The following SMARCA4 variants were observed in gnomAD, a reference collection of about 807,000 sequenced individuals.
SMARCA4 encodes the protein SWI/SNF related BAF chromatin remodeling complex subunit ATPase 4, also known as SWI/SNF-related matrix-associated actin-dependent regulator of chromatin subfamily A member 4.
SMARCA4 carries 31 observed loss-of-function variants against 193.9 expected under a neutral mutation model. The observed-to-expected ratio is 0.16, with a 90% CI of 0.12 to 0.22. SMARCA4 has a LOEUF of 0.22. SMARCA4 is among the 10% of genes least tolerant of loss of function. SMARCA4 has a pLI of 1.00. For missense variants in SMARCA4, 1,148 were observed against 2,296.0 expected, an observed-to-expected ratio of 0.50 and a Z score of 10.22; for synonymous variants, 942 against 933.1, an observed-to-expected ratio of 1.01 and a Z score of -0.17.
chr19:11,017,042 A>G (rs1393673358), intron 16 of SMARCA4, among the ~76,000 whole-genome samples: 4 of 151,896 alleles, frequency 2.6e-5, no homozygotes, highest in Non-Finnish European at 4.4e-5. Context: ...TAGGAGATTC[A>G]TGTGCGCGTG....
intron 16 of SMARCA4, among the ~76,000 whole-genome samples, chr19:11,015,315 C>T (rs566705605): frequency 6.6e-6 from 1 of 152,322 alleles, no homozygotes; most frequent in Admixed American, 6.5e-5. Context: ...TCCAGGATCC[C>T]ACACTGTCAC....
intron 1 of SMARCA4, among the ~76,000 whole-genome samples, chr19:10,980,394 C>T (rs984311494): frequency 2.6e-5 from 4 of 152,098 alleles, no homozygotes; most frequent in African/African-American, 9.7e-5. Flanking sequence ...ACAAAGTTAG[C>T]GCTGCTTTGA....
rs1414642513 is a variant in SMARCA4, at chr19:11,010,541, G to C, written c.2274+10G>C. 3 of 1,612,316 alleles carry C rather than the reference G, an allele frequency of 1.9e-6. No individual in the cohort carries two copies. Among genetic ancestry groups the C allele is most frequent in the East Asian group, 2.2e-5 (1 of 44,872 alleles). On this transcript the variant is annotated intron_variant, in intron 15 of 34. Coordinates refer to ENST00000344626, the MANE Select transcript of SMARCA4 (RefSeq NM_003072.5). Reference sequence around the variant, plus strand: ...CCTCAAACAGTACCAGGTGAGGTAGGGGGTGGGGAGGCCACCGCCACGTAG... The same window carrying C: ...CCTCAAACAGTACCAGGTGAGGTAGCGGGTGGGGAGGCCACCGCCACGTAG...
rs149763341 is a variant in SMARCA4 at position 11,003,328 on chromosome 19, C to A, written c.1944-12C>A. On this transcript the variant is annotated splice_polypyrimidine_tract_variant and intron_variant, in intron 12 of 34. Transcript: ENST00000344626. ...GAGCAGATTTGTATGAAAGCCCTTACATTTTTTCTAGGTATGAAGTAGCTC... is the reference window on the plus strand; with the variant it reads ...GAGCAGATTTGTATGAAAGCCCTTAAATTTTTTCTAGGTATGAAGTAGCTC... The A allele has an allele frequency of 3.0e-4, 488 of 1,613,196 alleles. 1 individual carries two copies. The highest frequency in any genetic ancestry group is 3.9e-4 in the Non-Finnish European group (459 of 1,179,128).
At chr19:10,978,434 A>G (rs980698067) in intron 1 of SMARCA4, among the ~76,000 whole-genome samples, 1 of 152,122 alleles carries the variant, frequency 6.6e-6, no homozygotes, top group South Asian at 2.1e-4. Context: ...ACCGGGTTCA[A>G]GTGATTCTCC....
chr19:11,025,671 C>T lies in SMARCA4; in HGVS notation c.3168+163C>T, dbSNP rs140349651. ...TTGGTCTTCGCTTCACCAGTGCTTA[C>T]GGGAAGAATCCCAGCAGTTAGGGCG... On this transcript the variant is annotated intron_variant, in intron 22 of 34. Transcript: ENST00000344626. 1,441 of 655,948 alleles carry T rather than the reference C, an allele frequency of 2.2e-3. 25 individuals are homozygous for T. The highest frequency in any genetic ancestry group is 0.018 in the East Asian group (635 of 34,924). 40.6% of individuals were successfully genotyped at this position (655,948 alleles called of 1,614,324 possible). A position where few individuals can be genotyped will look rare whatever the true frequency, so the allele number is the denominator to read the frequency against.
intron 30 of SMARCA4, among the ~76,000 whole-genome samples, chr19:11,048,947 C>CA (rs546256719): frequency 1.2e-4 from 19 of 152,208 alleles, no homozygotes; most frequent in Non-Finnish European, 2.5e-4. Flanking sequence ...TGCCAGCTGT[C>CA]ACAGCCACGG....
In SMARCA4 at chr19:10,984,007, T is replaced by A; in HGVS notation, c.-31-114T>A. On this transcript the variant is annotated intron_variant, in intron 1 of 34. Transcript: ENST00000344626. The surrounding 1 kb of genome is among the most constrained non-coding windows in gnomAD (Gnocchi z 4.3). The stretch of plus-strand genomic sequence containing the variant: ...CGGTTTGGGTGGCTGGTGGGGAAGG[T>A]ACTGGCTTCCTGTGGGATGTAGATT... The A allele has an allele frequency of 1.3e-6, 1 of 772,844 alleles. No individual in the cohort carries two copies. The highest frequency in any genetic ancestry group is 2.2e-6 in the Non-Finnish European group (1 of 448,160). 47.9% of individuals were successfully genotyped at this position (772,844 alleles called of 1,614,324 possible).
chr19:11,011,997 C>A (rs577396833), intron 15 of SMARCA4: 3 of 152,190 alleles, frequency 2.0e-5, no homozygotes, highest in African/African-American at 7.2e-5. Flanking sequence ...CATAGCGAGA[C>A]CCCATCTCTA....
intron 16 of SMARCA4, chr19:11,018,371 G>T (rs2089558866): frequency 1.8e-5 from 4 of 220,696 alleles, no homozygotes; most frequent in Non-Finnish European, 3.7e-5. Context: ...CTGCCCCCAT[G>T]TCCTCCCTCA....
At chr19:11,045,242 C>T (rs530915217) in intron 30 of SMARCA4, among the ~76,000 whole-genome samples, 1 of 152,260 alleles carries the variant, frequency 6.6e-6, no homozygotes, top group South Asian at 2.1e-4. Flanking sequence ...ATGGCATGAA[C>T]CCAGGAGGCG....
At chr19:11,052,096 AAAAT>A (rs1234005183) in intron 30 of SMARCA4, among the ~76,000 whole-genome samples, 3 of 152,186 alleles carry the variant, frequency 2.0e-5, no homozygotes, top group African/African-American at 7.2e-5. Flanking sequence ...CTCCGTCTCA[AAAAT>A]AAATAAATAA....
In SMARCA4 at chr19:11,041,798, G is replaced by A. The variant is rs2075631662; in HGVS notation, c.4424+238G>A. Among the ~76,000 whole-genome samples, 1 of 152,182 alleles carries A rather than the reference G, an allele frequency of 6.6e-6. No homozygotes were observed. Among genetic ancestry groups the A allele is most frequent in the Non-Finnish European group, 1.5e-5 (1 of 68,038 alleles). The stretch of plus-strand genomic sequence containing the variant: ...AATGTCACATGTGGTCGAGAGGAGA[G>A]GCAGGGGTGCGGGTCTCGGAGAAGG... On this transcript the variant is annotated intron_variant, in intron 30 of 34. Coordinates refer to ENST00000344626, the MANE Select transcript of SMARCA4 (RefSeq NM_003072.5). This position sits in a 1 kb window ranked among gnomAD's most constrained non-coding sequence, Gnocchi z 5.6.
At chr19:11,005,610 G>C (rs1016457454) in intron 13 of SMARCA4, among the ~76,000 whole-genome samples, 2 of 152,168 alleles carry the variant, frequency 1.3e-5, no homozygotes, top group African/African-American at 4.8e-5. Context: ...TACCGTGGCT[G>C]ATCTCACCTC....
At chr19:11,055,716 T>C (rs577995756) in intron 30 of SMARCA4, among the ~76,000 whole-genome samples, 11 of 152,124 alleles carry the variant, frequency 7.2e-5, no homozygotes, top group Non-Finnish European at 1.6e-4. Flanking sequence ...CTGCACTGTT[T>C]GCTGGCCACT....
intron 30 of SMARCA4, among the ~76,000 whole-genome samples, chr19:11,049,032 T>A (rs1476432735): frequency 6.6e-6 from 1 of 151,794 alleles, no homozygotes; most frequent in African/African-American, 2.4e-5. Flanking sequence ...CAGGCTGGAG[T>A]GTTCTGTGGT....
intron 1 of SMARCA4, among the ~76,000 whole-genome samples, chr19:10,982,027 C>T (rs1427868014): frequency 5.9e-5 from 9 of 151,830 alleles, no homozygotes; most frequent in Non-Finnish European, 8.8e-5. Context: ...AAACTTTTTC[C>T]GCTAGATCAC....
rs575792225 is a variant in SMARCA4 at position 11,035,012 on chromosome 19, C to T, written c.4050C>T (p.Asp1350=). ...AGCTCCCCTCGTGGATCATCAAGGA[C>T]GACGCGGAGGTGGAGCGGCTGACCT... ...EDELPSWIIK[D]DAEVERLTCE... The change falls in exon 29 of 35, where the codon GAC becomes GAT. Residue 1350 remains aspartate (D), a synonymous_variant. Transcript: ENST00000344626. 31 of 1,611,966 alleles carry T rather than the reference C, an allele frequency of 1.9e-5. No homozygotes were observed. The highest frequency in any genetic ancestry group is 2.3e-5 in the Non-Finnish European group (27 of 1,179,440).
Position 11,060,098 on chromosome 19 carries a change from C to T in SMARCA4, c.4822C>T (p.Arg1608Trp), listed in dbSNP as rs1568565786. The change falls in exon 34 of 35, where the codon CGG becomes TGG. Residue 1608 changes from arginine (R) to tryptophan (W), a missense_variant. Physicochemically the swap from Arg to Trp is moderately radical, Grantham distance 101. This residue lies in a region of SMARCA4 where 105 missense variants were observed against 133.7 expected (regional missense o/e 0.79). Coordinates refer to ENST00000344626, the MANE Select transcript of SMARCA4 (RefSeq NM_003072.5). ...KLGRKEKAQD[R>W]LKGGRRRPSR... Reference sequence around the variant, plus strand: ...TGGCCGGAAGGAGAAGGCACAGGACCGGCTGAAGGGCGGCCGGCGGCGGCC... The same window carrying T: ...TGGCCGGAAGGAGAAGGCACAGGACTGGCTGAAGGGCGGCCGGCGGCGGCC... The T allele has an allele frequency of 1.9e-6, 3 of 1,552,468 alleles. No individual in the cohort carries two copies. The highest frequency in any genetic ancestry group is 1.7e-6 in the Non-Finnish European group (2 of 1,147,684).
Sources: allele counts gnomAD v4.1 joint callset (sites outside exome capture counted in the v4.1 genomes callset), GRCh38; gene constraint gnomAD v4.1.1; regional missense constraint gnomAD v4.1.1; non-coding constraint Gnocchi (gnomAD v3.1); transcripts MANE v1.5; gene names NCBI Gene and HGNC (gene_info 2026-07-23, HGNC 2026-07-21).